The following INPP1 variants were observed in gnomAD, a reference collection of about 807,000 sequenced individuals.
INPP1 encodes the protein inositol polyphosphate-1-phosphatase.
INPP1 carries 18 observed loss-of-function variants against 23.0 expected under a neutral mutation model. That is an observed-to-expected ratio of 0.78 (90% CI 0.54 to 1.16). INPP1 has a LOEUF of 1.16. Ranked by LOEUF, INPP1 falls within the 50% of genes most tolerant of loss-of-function variation. The probability of loss-of-function intolerance (pLI) is 0.00; values close to 1 mark genes in which losing one functional copy is unlikely to be tolerated. For missense variants in INPP1, 448 were observed against 482.1 expected, an observed-to-expected ratio of 0.93 and a Z score of 0.66; for synonymous variants, 164 against 176.3, an observed-to-expected ratio of 0.93 and a Z score of 0.55.
In INPP1 at chr2:190,360,270, G is replaced by C; in HGVS notation, c.168G>C (p.Leu56=). 1 of 1,614,102 alleles carries C rather than the reference G, an allele frequency of 6.2e-7. No homozygotes were observed. The highest frequency in any genetic ancestry group is 8.5e-7 in the Non-Finnish European group (1 of 1,180,010). ...AVDFKTLADV[L]VQEVIKQNME... Reference sequence around the variant, plus strand: ...ACTTCAAGACGCTGGCTGATGTACTGGTACAGGAAGTTATAAAACAGAATA... The same window carrying C: ...ACTTCAAGACGCTGGCTGATGTACTCGTACAGGAAGTTATAAAACAGAATA... Residue 56 remains leucine, a synonymous_variant, in exon 3 of 7, where the codon CTG becomes CTC. Coordinates refer to ENST00000392329, the MANE Select transcript of INPP1 (RefSeq NM_001128928.2).
intron 4 of INPP1, chr2:190,365,113 C>T (rs1033825953): frequency 5.9e-6 from 1 of 169,144 alleles, no homozygotes; most frequent in Non-Finnish European, 1.5e-5. Flanking sequence ...TTTTTACCAG[C>T]CTCTTCCCTC....
rs1169267010 is a variant in INPP1 at position 190,355,750 on chromosome 2, G to T, written c.-64-4289G>T. 8.5e-5 allele frequency among the ~76,000 whole-genome samples: 13 copies of T among 152,272 alleles called. No individual in the cohort carries two copies. In the East Asian group the frequency reaches 2.5e-3, roughly 29 times the overall value. ...ATTTAAAGTACAGTGTTGAAATAAA[G>T]TGGTCTTAGGTGAATGATGAGTATG... On this transcript the variant is annotated intron_variant, in intron 2 of 6. Transcript: ENST00000392329. The surrounding 1 kb of genome is among the most constrained non-coding windows in gnomAD (Gnocchi z 5.1).
At position 190,354,324 on chromosome 2, in the gene INPP1, C is replaced by T. The variant is rs947658313; in HGVS notation, c.-65+5293C>T. On this transcript the variant is annotated intron_variant, in intron 2 of 6. Transcript: ENST00000392329. This position sits in a 1 kb window ranked among gnomAD's most constrained non-coding sequence, Gnocchi z 4.8. The stretch of plus-strand genomic sequence containing the variant: ...GATTGTGTCAGCTAATAGATTGGGT[C>T]GCTAAGGTAACCACGGCCTGTCTTT... Among the ~76,000 whole-genome samples, 1 of 152,148 alleles carries T rather than the reference C, an allele frequency of 6.6e-6. No individual in the cohort carries two copies. The highest frequency in any genetic ancestry group is 1.5e-5 in the Non-Finnish European group (1 of 68,032).
At chr2:190,347,143 C>T (rs1041696573) in intron 1 of INPP1, among the ~76,000 whole-genome samples, 1 of 151,248 alleles carries the variant, frequency 6.6e-6, no homozygotes, top group Admixed American at 6.6e-5. Flanking sequence ...TCCCGAGTAG[C>T]TGGGATTACA....
At position 190,371,363 on chromosome 2, in the gene INPP1, C is replaced by T. The variant is rs1178664908; in HGVS notation, c.1161C>T (p.Leu387=). The part of the protein sequence containing the change: ...SRKRLETFLS[L]LVQNLAPAET... ...AGCGGCTGGAGACATTCCTGAGCCT[C>T]CTGGTCCAAAACCTGGCACCTGCAG... Residue 387 remains leucine, a synonymous_variant, in exon 7 of 7, where the codon CTC becomes CTT. Coordinates refer to ENST00000392329, the MANE Select transcript of INPP1 (RefSeq NM_001128928.2). The surrounding 1 kb of genome is among the most constrained non-coding windows in gnomAD (Gnocchi z 5.3). 26 of 1,538,480 alleles carry T rather than the reference C, an allele frequency of 1.7e-5. No individual in the cohort carries two copies. Among genetic ancestry groups the T allele is most frequent in the Non-Finnish European group, 2.2e-5 (25 of 1,143,580 alleles).
In INPP1 at chr2:190,367,803, C is replaced by T. The variant is rs960459408; in HGVS notation, c.466+908C>T. On this transcript the variant is annotated intron_variant, in intron 5 of 6. Coordinates refer to ENST00000392329, the MANE Select transcript of INPP1 (RefSeq NM_001128928.2). The surrounding 1 kb of genome is among the most constrained non-coding windows in gnomAD (Gnocchi z 4.1). The stretch of plus-strand genomic sequence containing the variant: ...CTGGTCTCGAACTCCTGGGTTCAAG[C>T]GATCTGCCTGCCTTGGCCTCCTAAA... 2.0e-5 allele frequency among the ~76,000 whole-genome samples: 3 copies of T among 152,134 alleles called. No individual in the cohort carries two copies. The highest frequency in any genetic ancestry group is 4.8e-5 in the African/African-American group (2 of 41,438).
At chr2:190,364,083 T>G (rs1010060112) in intron 4 of INPP1, among the ~76,000 whole-genome samples, 1 of 152,216 alleles carries the variant, frequency 6.6e-6, no homozygotes, top group East Asian at 1.9e-4. Flanking sequence ...GTAGCCATTA[T>G]TAGCTTTATT....
Position 190,363,480 on chromosome 2 carries a change from T to A in INPP1, c.265+793T>A, listed in dbSNP as rs1689573371. ...AACTCCTGACCTCAGGTAATCTGAT[T>A]TCTTTCAGAGAAACAATTTTTTTTT... On this transcript the variant is annotated intron_variant, in intron 4 of 6. Coordinates refer to ENST00000392329, the MANE Select transcript of INPP1 (RefSeq NM_001128928.2). This position sits in a 1 kb window ranked among gnomAD's most constrained non-coding sequence, Gnocchi z 4.4. 6.6e-6 allele frequency among the ~76,000 whole-genome samples: 1 copy of A among 152,162 alleles called. No homozygotes were observed. Among genetic ancestry groups the A allele is most frequent in the Non-Finnish European group, 1.5e-5 (1 of 68,038 alleles).
At chr2:190,358,323 C>T (rs890762465) in intron 2 of INPP1, among the ~76,000 whole-genome samples, 3 of 151,924 alleles carry the variant, frequency 2.0e-5, no homozygotes, top group Admixed American at 6.6e-5. Flanking sequence ...GTGATCCATG[C>T]GCCTTGGCCT....
Position 190,343,836 on chromosome 2 carries a change from G to C in INPP1, c.-334G>C. 1 of 161,554 alleles carries C rather than the reference G, an allele frequency of 6.2e-6. No homozygotes were observed. The highest frequency in any genetic ancestry group is 1.4e-4 in the South Asian group (1 of 7,380). 10.0% of individuals were successfully genotyped at this position (161,554 alleles called of 1,614,324 possible). ...TCGTCCTCTGGCCGCGCCTGCGGCC[G>C]CACGCCCAGCGCCCCTCGCCTAACC... On this transcript the variant is annotated 5_prime_UTR_variant, in exon 1 of 7. Transcript: ENST00000392329.
Position 190,343,964 on chromosome 2 carries a change from A to G in INPP1, c.-209+3A>G. 3.9e-6 allele frequency: 1 copy of G among 257,050 alleles called. No homozygotes were observed. The highest frequency in any genetic ancestry group is 8.4e-6 in the Non-Finnish European group (1 of 118,544). 15.9% of individuals were successfully genotyped at this position (257,050 alleles called of 1,614,324 possible). ...CTCTGTCCTCATCCCCGGCTTAGGT[A>G]ACACGTTTTCCTCCTTACGACACCC... On this transcript the variant is annotated splice_donor_region_variant and intron_variant, in intron 1 of 6. Coordinates refer to ENST00000392329, the MANE Select transcript of INPP1 (RefSeq NM_001128928.2).
In INPP1 at chr2:190,355,027, C is replaced by T. The variant is rs941688592; in HGVS notation, c.-64-5012C>T. On this transcript the variant is annotated intron_variant, in intron 2 of 6. Coordinates refer to ENST00000392329, the MANE Select transcript of INPP1 (RefSeq NM_001128928.2). This position sits in a 1 kb window ranked among gnomAD's most constrained non-coding sequence, Gnocchi z 5.1. ...TATTATCCAACAATTACTGATTTTC[C>T]CTTATTTTAATAGTTAACAATTGAT... Among the ~76,000 whole-genome samples the T allele has an allele frequency of 2.7e-5, 4 of 150,512 alleles. No homozygotes were observed. The highest frequency in any genetic ancestry group is 4.4e-5 in the Non-Finnish European group (3 of 67,818).
At position 190,352,990 on chromosome 2, in the gene INPP1, T is replaced by C. The variant is rs1689350980; in HGVS notation, c.-65+3959T>C. 6.6e-6 allele frequency among the ~76,000 whole-genome samples: 1 copy of C among 152,098 alleles called. No individual in the cohort carries two copies. On this transcript the variant is annotated intron_variant, in intron 2 of 6. Transcript: ENST00000392329. The surrounding 1 kb of genome is among the most constrained non-coding windows in gnomAD (Gnocchi z 4.7). Reference sequence around the variant, plus strand: ...GGGGTGGGGTGGAGTCAATGCGCAATGGGCAAAAATGTGTACTCTGTAAAG... The same window carrying C: ...GGGGTGGGGTGGAGTCAATGCGCAACGGGCAAAAATGTGTACTCTGTAAAG...
chr2:190,364,210 T>C lies in INPP1; in HGVS notation c.265+1523T>C, dbSNP rs564280012. Among the ~76,000 whole-genome samples the C allele has an allele frequency of 2.0e-5, 3 of 152,342 alleles. No homozygotes were observed. In the South Asian group the frequency reaches 6.2e-4, roughly 32 times the overall value. ...GATGTATATTGTGCTTCCCACACTT[T>C]ACTGGTCATGTAATCGCCTCAGGAT... On this transcript the variant is annotated intron_variant, in intron 4 of 6. Transcript: ENST00000392329.
rs1689729336 is a variant in INPP1, at chr2:190,368,496, T to C, written c.467-607T>C. On this transcript the variant is annotated intron_variant, in intron 5 of 6. Coordinates refer to ENST00000392329, the MANE Select transcript of INPP1 (RefSeq NM_001128928.2). This position sits in a 1 kb window ranked among gnomAD's most constrained non-coding sequence, Gnocchi z 4.3. Reference sequence around the variant, plus strand: ...TTTTCCTTTTTAAAATGTTTGTGGGTACATAATAGGTGTATATATTTATGG... The same window carrying C: ...TTTTCCTTTTTAAAATGTTTGTGGGCACATAATAGGTGTATATATTTATGG... 1 of 152,194 alleles carries C rather than the reference T, an allele frequency of 6.6e-6. No individual in the cohort carries two copies. The highest frequency in any genetic ancestry group is 2.4e-5 in the African/African-American group (1 of 41,450). The allele number at this position is 152,194 out of a possible 1,614,324, so 9.4% of individuals were successfully genotyped here.
chr2:190,353,394 A>C (rs1689359977), intron 2 of INPP1, among the ~76,000 whole-genome samples: 1 of 152,202 alleles, frequency 6.6e-6, no homozygotes, highest in Admixed American at 6.5e-5. Flanking sequence ...TTACTCAGAG[A>C]ATTGCAAGTA....
At chr2:190,365,620 T>C (rs2067434) in intron 4 of INPP1, among the ~76,000 whole-genome samples, 97,490 of 152,056 alleles carry the variant, frequency 0.64, 32,001 homozygotes, top group East Asian at 0.75. Context: ...GAAACCCATC[T>C]CTTACTATTC....
rs553212180 is a variant in INPP1, at chr2:190,356,307, T to C, written c.-64-3732T>C. Among the ~76,000 whole-genome samples, 40 of 152,332 alleles carry C rather than the reference T, an allele frequency of 2.6e-4. No homozygotes were observed. Among genetic ancestry groups the C allele is most frequent in the African/African-American group, 9.1e-4 (38 of 41,580 alleles). On this transcript the variant is annotated intron_variant, in intron 2 of 6. Coordinates refer to ENST00000392329, the MANE Select transcript of INPP1 (RefSeq NM_001128928.2). The surrounding 1 kb of genome is among the most constrained non-coding windows in gnomAD (Gnocchi z 6.4). The stretch of plus-strand genomic sequence containing the variant: ...TAGGGCCAAAACGAAGAGTGAACTC[T>C]GGGATAACCTTGGAACTGAAAAACC...
At position 190,360,165 on chromosome 2, in the gene INPP1, G is replaced by T. The variant is rs142894446; in HGVS notation, c.63G>T (p.Ala21=). The T allele has an allele frequency of 6.2e-7, 1 of 1,614,164 alleles. No individual in the cohort carries two copies. Among genetic ancestry groups the T allele is most frequent in the Non-Finnish European group, 8.5e-7 (1 of 1,180,038 alleles). ...AGAAGGCTGCTAACATTGCCCGGGC[G>T]TGCAGACAGCAGGAAGCCCTCTTCC... ...VSEKAANIAR[A]CRQQEALFQL... is the part of the protein sequence containing the mutation. Residue 21 remains alanine (A), a synonymous_variant, in exon 3 of 7, where the codon GCG becomes GCT. Coordinates refer to ENST00000392329, the MANE Select transcript of INPP1 (RefSeq NM_001128928.2).
Sources: allele counts gnomAD v4.1 joint callset (sites outside exome capture counted in the v4.1 genomes callset), GRCh38; gene constraint gnomAD v4.1.1; non-coding constraint Gnocchi (gnomAD v3.1); transcripts MANE v1.5; gene names NCBI Gene and HGNC (gene_info 2026-07-23, HGNC 2026-07-21).